Variants in PALM2AKAP2 observed in about 807,000 individuals in gnomAD.
The protein encoded by PALM2AKAP2 is PALM2 and AKAP2 fusion, also known as PALM2-AKAP2 fusion protein.
In PALM2AKAP2, 37 loss-of-function variants were observed where a neutral mutation model predicts 71.5. The observed-to-expected ratio is 0.52, with a 90% confidence interval of 0.40 to 0.68. The LOEUF (loss-of-function observed/expected upper bound fraction) is 0.68, where lower values mean the gene tolerates loss of function less well. Ranked by LOEUF, PALM2AKAP2 falls within the 30% of genes least tolerant of loss-of-function variation. The pLI is 0.00. For missense variants in PALM2AKAP2, 1,224 were observed against 1,191.8 expected (o/e 1.03, Z -0.40); for synonymous variants, 468 against 478.8 (o/e 0.98, Z 0.29).
intron 1 of PALM2AKAP2, among the ~76,000 whole-genome samples, chr9:109,751,945 G>A (rs1828891317): frequency 6.6e-6 from 1 of 152,142 alleles, no homozygotes; most frequent in Non-Finnish European, 1.5e-5. Context: ...CCAGAAAGGT[G>A]AGCTATCTAA....
chr9:109,864,336 C>T (rs1354375842), intron 1 of PALM2AKAP2, among the ~76,000 whole-genome samples: 1 of 152,230 alleles, frequency 6.6e-6, no homozygotes, highest in African/African-American at 2.4e-5. Context: ...CCTTCCTGCA[C>T]CAGCGCTCTT....
At chr9:109,815,718 G>A (rs1309240367) in intron 1 of PALM2AKAP2, among the ~76,000 whole-genome samples, 2 of 152,218 alleles carry the variant, frequency 1.3e-5, no homozygotes, top group Non-Finnish European at 2.9e-5. Flanking sequence ...TGTGGAGTGT[G>A]GAGTTCAGCT....
chr9:109,881,468 A>C (rs917798595), intron 3 of PALM2AKAP2, among the ~76,000 whole-genome samples: 1 of 152,234 alleles, frequency 6.6e-6, no homozygotes, highest in Non-Finnish European at 1.5e-5. Context: ...TGTAGTCAAC[A>C]GTCTTGGGAT....
At chr9:109,753,680 A>G (rs1395852244) in intron 1 of PALM2AKAP2, among the ~76,000 whole-genome samples, 1 of 152,166 alleles carries the variant, frequency 6.6e-6, no homozygotes, top group East Asian at 1.9e-4. Context: ...TTTGATCTAT[A>G]TATCTCAGAG....
chr9:109,661,644 TG>T (rs1827398652), intron 1 of PALM2AKAP2, among the ~76,000 whole-genome samples: 1 of 152,278 alleles, frequency 6.6e-6, no homozygotes, highest in East Asian at 1.9e-4. Flanking sequence ...CTTGGCAATG[TG>T]GGCTCTTTTT....
At chr9:109,642,483 G>GGCAAAAACCGCAAATTACTGTT (rs1357326695) in intron 1 of PALM2AKAP2, among the ~76,000 whole-genome samples, 1 of 145,808 alleles carries the variant, frequency 6.9e-6, no homozygotes, top group African/African-American at 2.5e-5. Flanking sequence ...TACTTTCAAC[G>GGCAAAAACCGCAAATTACTGTT]GCAAAAACCG....
chr9:110,035,642 TTA>T (rs1410549487), intron 7 of PALM2AKAP2, among the ~76,000 whole-genome samples: 1 of 131,486 alleles, frequency 7.6e-6, no homozygotes, highest in Non-Finnish European at 1.6e-5. Context: ...ATGTTGTGTG[TTA>T]TATATAACAT....
intron 2 of PALM2AKAP2, among the ~76,000 whole-genome samples, chr9:109,879,583 T>C (rs1256008985): frequency 1.3e-5 from 2 of 152,240 alleles, no homozygotes; most frequent in Non-Finnish European, 2.9e-5. Flanking sequence ...TTTCTGGAAC[T>C]GTTTTCATTT....
chr9:110,124,564 G>C (rs1462199845), intron 1 of PALM2AKAP2, among the ~76,000 whole-genome samples: 1 of 152,206 alleles, frequency 6.6e-6, no homozygotes, highest in Non-Finnish European at 1.5e-5. Flanking sequence ...GAGCCAGTGG[G>C]TGTTATCAGG....
chr9:109,774,015 A>G (rs1829312679), intron 1 of PALM2AKAP2, among the ~76,000 whole-genome samples: 2 of 152,246 alleles, frequency 1.3e-5, no homozygotes, highest in Non-Finnish European at 2.9e-5. Context: ...CAGGGTGGAC[A>G]GGATTTAGTA....
chr9:109,971,574 C>T (rs187769345), intron 6 of PALM2AKAP2, among the ~76,000 whole-genome samples: 12 of 152,102 alleles, frequency 7.9e-5, no homozygotes, highest in Middle Eastern at 3.4e-3. Context: ...TACAGACGTT[C>T]GCCACCAAGC....
chr9:109,842,858 T>C (rs11794095), intron 1 of PALM2AKAP2, among the ~76,000 whole-genome samples: 19,148 of 151,708 alleles, frequency 0.13, 1,568 homozygotes, highest in East Asian at 0.38. Flanking sequence ...CTACTAAAAA[T>C]CAAACAGTTC....
chr9:109,804,745 T>C (rs1827528470), intron 1 of PALM2AKAP2, among the ~76,000 whole-genome samples: 1 of 152,140 alleles, frequency 6.6e-6, no homozygotes, highest in South Asian at 2.1e-4. Flanking sequence ...GGATAAAGGA[T>C]TTTTTATTTT....
At chr9:110,033,064 C>A (rs1375772491) in intron 7 of PALM2AKAP2, among the ~76,000 whole-genome samples, 2 of 152,096 alleles carry the variant, frequency 1.3e-5, no homozygotes, top group African/African-American at 2.4e-5. Flanking sequence ...GGAGACAAAA[C>A]CTTATTTAAG....
At chr9:110,076,513 G>GTATATATTCTACATATATATATATATATA (rs1834328465) in intron 1 of PALM2AKAP2, among the ~76,000 whole-genome samples, 1 of 76,714 alleles carries the variant, frequency 1.3e-5, no homozygotes, top group African/African-American at 8.1e-5. Context: ...ATATATATAG[G>GTATATATTCTACATATATATATATATATA]TATATATACC....
chr9:110,110,825 G>A (rs1229561591), intron 1 of PALM2AKAP2, among the ~76,000 whole-genome samples: 4 of 151,978 alleles, frequency 2.6e-5, no homozygotes, highest in African/African-American at 9.7e-5. Flanking sequence ...GGGATTACAG[G>A]CGTGAGCCAC....
rs535448848 is a variant in PALM2AKAP2 at position 110,054,924 on chromosome 9, T to C, written c.156+6069T>C. Among the ~76,000 whole-genome samples, 134 of 152,320 alleles carry C rather than the reference T, an allele frequency of 8.8e-4. 1 individual carries two copies. Among genetic ancestry groups the C allele is most frequent in the Non-Finnish European group, 1.4e-3 (95 of 68,026 alleles). On this transcript the variant is annotated intron_variant, in intron 1 of 3. Coordinates refer to ENST00000374525, the Ensembl canonical transcript of PALM2AKAP2. The stretch of plus-strand genomic sequence containing the variant: ...AAGTTAACACTTAAAATGCTAGCAA[T>C]TGTGCAGCAGATCAATTGTTCATCC...
intron 6 of PALM2AKAP2, among the ~76,000 whole-genome samples, chr9:110,000,845 C>T (rs1397758273): frequency 6.6e-6 from 1 of 152,174 alleles, no homozygotes; most frequent in Non-Finnish European, 1.5e-5. Flanking sequence ...CCTTCGCCCA[C>T]TTGTTGATGG....
At chr9:109,842,996 C>G (rs558156631) in intron 1 of PALM2AKAP2, among the ~76,000 whole-genome samples, 1 of 151,800 alleles carries the variant, frequency 6.6e-6, no homozygotes, top group African/African-American at 2.4e-5. Context: ...CAAAATTTGC[C>G]GGGCGTGGTG....
Sources: gnomAD v4.1 joint callset for allele counts (sites outside exome capture counted in the v4.1 genomes callset) on GRCh38, gnomAD v4.1.1 for gene constraint, MANE v1.5 for transcripts, NCBI Gene and HGNC (gene_info 2026-07-23, HGNC 2026-07-21) for gene names.